FAM234A: variants seen among roughly 807,000 people sequenced by gnomAD.
FAM234A encodes the protein family with sequence similarity 234 member A.
In FAM234A, 42 loss-of-function variants were observed where a neutral mutation model predicts 49.1. The observed-to-expected ratio is 0.86, with a 90% CI of 0.67 to 1.11. The LOEUF (loss-of-function observed/expected upper bound fraction) is 1.11. Ranked by LOEUF, FAM234A falls within the 50% of genes least tolerant of loss-of-function variation. FAM234A has a pLI of 0.00. For synonymous variants in FAM234A, 369 were observed against 316.2 expected, an observed-to-expected ratio of 1.17 and a Z score of -1.77; for missense variants, 815 against 745.2, an observed-to-expected ratio of 1.09 and a Z score of -1.09.
rs377308314 is a variant in FAM234A, at chr16:262,186, G to A, written c.802G>A (p.Val268Ile). The A allele has an allele frequency of 9.3e-6, 15 of 1,613,832 alleles. No homozygotes were observed. The highest frequency in any genetic ancestry group is 8.0e-5 in the African/African-American group (6 of 74,940). The change falls in exon 7 of 13, where the codon GTC becomes ATC. Residue 268 changes from valine (V) to isoleucine (I), a missense_variant. Physicochemically the swap from Val to Ile is conservative, Grantham distance 29. Transcript: ENST00000399932. ...CGGGGAAAGTGGCTTCCTCCTTCAC[G>A]TCACCAGGACAGGTGCCCACTACAT... is the stretch of plus-strand genomic sequence containing the variant. ...VDGESGFLLH[V>I]TRTGAHYILF...
At position 262,161 on chromosome 16, in the gene FAM234A, C is replaced by T. The variant is rs780739040; in HGVS notation, c.777C>T (p.Asp259=). 1.4e-5 allele frequency: 22 copies of T among 1,613,892 alleles called. No homozygotes were observed. The highest frequency in any genetic ancestry group is 6.7e-5 in the East Asian group (3 of 44,894). Residue 259 remains aspartate (D), a synonymous_variant, in exon 7 of 13, where the codon GAC becomes GAT. Transcript: ENST00000399932. ...QIGLRGSLGV[D]GESGFLLHVT... is the part of the protein sequence containing the mutation. ...GCCTCAGAGGCAGCCTTGGTGTGGACGGGGAAAGTGGCTTCCTCCTTCACG... is the reference window on the plus strand; with the variant it reads ...GCCTCAGAGGCAGCCTTGGTGTGGATGGGGAAAGTGGCTTCCTCCTTCACG...
chr16:267,472 T>C (rs1399834048), downstream of FAM234A, among the ~76,000 whole-genome samples: 2 of 149,422 alleles, frequency 1.3e-5, no homozygotes, highest in African/African-American at 5.0e-5. Flanking sequence ...GTACTATACA[T>C]GTGCACACCT....
chr16:259,707 T>G, intron 4 of FAM234A, 108 bp downstream of exon 4: 1 of 790,698 alleles, frequency 1.3e-6, no homozygotes, highest in Non-Finnish European at 2.1e-6. Flanking sequence ...TGGTGGTGTT[T>G]CTGGAACCCA....
At chr16:264,266 C>A in intron 11 of FAM234A, 95 bp downstream of exon 11, 1 of 1,249,600 alleles carries the variant, frequency 8.0e-7, no homozygotes, top group Non-Finnish European at 1.1e-6. Context: ...CTCATCGGTG[C>A]CTGGGCAACC....
chr16:253,723 C>G (rs1280041853), intron 2 of FAM234A: 6 of 152,412 alleles, frequency 3.9e-5, no homozygotes, highest in African/African-American at 1.4e-4. Context: ...ATCCGCACGC[C>G]TCGGCCTGCC....
chr16:264,215 C>T, intron 11 of FAM234A, 44 bp downstream of exon 11: 1 of 1,541,650 alleles, frequency 6.5e-7, no homozygotes, highest in Non-Finnish European at 8.7e-7. Flanking sequence ...GAGCCGGGGC[C>T]AGAGACCCAG....
chr16:262,007 C>T, intron 6 of FAM234A, 86 bp from the exon 7 acceptor site: 1 of 972,962 alleles, frequency 1.0e-6, no homozygotes, highest in Non-Finnish European at 1.3e-6. Flanking sequence ...CAGCCCCAGG[C>T]TCAGGTCCTT....
downstream of FAM234A, among the ~76,000 whole-genome samples, chr16:266,778 CAT>C (rs34871926): frequency 0.31 from 46,485 of 152,016 alleles, 8,323 homozygotes; most frequent in Non-Finnish European, 0.39. Flanking sequence ...ATGAAAGGGC[CAT>C]ATAGGGCTCT....
rs1299674413 is a variant in FAM234A at position 263,928 on chromosome 16, A to G, written c.1189-88A>G. On this transcript the variant is annotated intron_variant, in intron 10 of 12. Coordinates refer to ENST00000399932, the MANE Select transcript of FAM234A (RefSeq NM_032039.4). ...CAGAGCATCTGCCTCCAGGGCTGGC[A>G]TGGCTGAGGGCACGTGTGCCTGTGC... is the stretch of plus-strand genomic sequence containing the variant. 4 of 1,487,394 alleles carry G rather than the reference A, an allele frequency of 2.7e-6. No individual in the cohort carries two copies. The East Asian group carries it at 9.1e-5, about 34-fold the overall frequency. The allele number at this position is 1,487,394 out of a possible 1,614,324, so 92.1% of individuals were successfully genotyped here.
chr16:258,155 ATTTT>A (rs577801424), intron 3 of FAM234A, among the ~76,000 whole-genome samples: 3 of 134,082 alleles, frequency 2.2e-5, no homozygotes, highest in Admixed American at 7.5e-5. Flanking sequence ...CACCCGGCCT[ATTTT>A]TTTTTTTTTT....
At chr16:257,531 C>T (rs918798440) in intron 3 of FAM234A, among the ~76,000 whole-genome samples, 12 of 152,110 alleles carry the variant, frequency 7.9e-5, no homozygotes, top group African/African-American at 2.4e-4. Flanking sequence ...CAGGCGTGAG[C>T]CACCGCACTC....
chr16:255,776 G>A (rs1405044183), intron 3 of FAM234A, among the ~76,000 whole-genome samples: 2 of 152,152 alleles, frequency 1.3e-5, no homozygotes, highest in Non-Finnish European at 2.9e-5. Context: ...TGATTCTCCT[G>A]CCCCAGCCTC....
At position 264,674 on chromosome 16, in the gene FAM234A, C is replaced by T. The variant is rs781263563; in HGVS notation, c.1405C>T (p.Leu469=). The T allele has an allele frequency of 1.9e-6, 3 of 1,612,190 alleles. No homozygotes were observed. Among genetic ancestry groups the T allele is most frequent in the South Asian group, 2.2e-5 (2 of 91,082 alleles). ...MFHPTLPRVL[L]ELANVSTHIV... is the part of the protein sequence containing the mutation. ...CCACCCCACCCTGCCGCGCGTGCTG[C>T]TGGAGCTGGCCAATGTCTCTACCCA... Residue 469 remains leucine, a synonymous_variant, in exon 12 of 13, where the codon CTG becomes TTG. Transcript: ENST00000399932.
At chr16:256,581 A>T (rs961203455) in intron 3 of FAM234A, among the ~76,000 whole-genome samples, 2 of 151,404 alleles carry the variant, frequency 1.3e-5, no homozygotes, top group African/African-American at 2.4e-5. Context: ...TTATTTATTT[A>T]TTTTTTGAGA....
chr16:265,069 A>T lies in FAM234A; in HGVS notation c.*47A>T, dbSNP rs770740723. ...TGGAGAGACTCCGCCTGCTGACACT[A>T]AACGTCCTGGGAAGTGGGCCCTTCC... On this transcript the variant is annotated 3_prime_UTR_variant, in exon 13 of 13. Transcript: ENST00000399932. The T allele has an allele frequency of 6.5e-7, 1 of 1,548,586 alleles. No homozygotes were observed. The highest frequency in any genetic ancestry group is 2.3e-5 in the East Asian group (1 of 44,084).
intron 3 of FAM234A, among the ~76,000 whole-genome samples, chr16:254,922 C>G (rs1380545077): frequency 5.9e-5 from 9 of 152,226 alleles, no homozygotes; most frequent in Admixed American, 6.5e-5. Context: ...CTGGCACAAT[C>G]TCAGCTCACC....
rs567978677 is a variant in FAM234A at position 263,621 on chromosome 16, G to C, written c.1113-79G>C. ...ATGTGGCCATGGGAGACTGAGGGGC[G>C]GACGTGTTCCTGGGTGCTTCCTTCA... On this transcript the variant is annotated intron_variant, in intron 9 of 12. Coordinates refer to ENST00000399932, the MANE Select transcript of FAM234A (RefSeq NM_032039.4). The C allele has an allele frequency of 7.6e-6, 10 of 1,316,328 alleles. 1 individual carries two copies. 81.5% of individuals were successfully genotyped at this position (1,316,328 alleles called of 1,614,324 possible). A position where few individuals can be genotyped will look rare whatever the true frequency, so the allele number is the denominator to read the frequency against.
At position 262,519 on chromosome 16, in the gene FAM234A, C is replaced by T. The variant is rs749088764; in HGVS notation, c.937C>T (p.Leu313Phe). The T allele has an allele frequency of 3.1e-6, 5 of 1,610,496 alleles. No homozygotes were observed. The highest frequency in any genetic ancestry group is 1.7e-4 in the Middle Eastern group (1 of 6,022). The change falls in exon 8 of 13, where the codon CTC becomes TTC. Residue 313 changes from leucine (L) to phenylalanine (F), a missense_variant. Physicochemically the swap from Leu to Phe is conservative, Grantham distance 22. Transcript: ENST00000399932. Reference sequence around the variant, plus strand: ...GAGTGACCCGCACTGGGAGAGCATGCTCAATGCCACCACCCGCAGGATGCT... The same window carrying T: ...GAGTGACCCGCACTGGGAGAGCATGTTCAATGCCACCACCCGCAGGATGCT... ...FKSDPHWESM[L>F]NATTRRMLSH...
chr16:246,190 A>G (rs2050795973), intron 1 of FAM234A, among the ~76,000 whole-genome samples: 1 of 151,542 alleles, frequency 6.6e-6, no homozygotes. Flanking sequence ...ACTCCCGCCT[A>G]GGTGACAGAG....
Sources: gnomAD v4.1 joint callset for allele counts (sites outside exome capture counted in the v4.1 genomes callset) on GRCh38, gnomAD v4.1.1 for gene constraint, MANE v1.5 for transcripts, NCBI Gene and HGNC (gene_info 2026-07-23, HGNC 2026-07-21) for gene names.